CEP192: variants seen among roughly 807,000 people sequenced by gnomAD.
CEP192 encodes the protein centrosomal protein 192.
Under a neutral mutation model 271.8 loss-of-function variants are expected in CEP192, and 151 were observed. The ratio of observed to expected loss-of-function variants is 0.56; its 90% CI spans 0.49 to 0.64. CEP192 has a LOEUF of 0.64. Ranked by LOEUF, CEP192 falls within the 30% of genes least tolerant of loss-of-function variation. The pLI, the probability that CEP192 is intolerant of heterozygous loss-of-function variation, is 0.00. For missense variants in CEP192, 2,910 were observed against 3,020.5 expected, an observed-to-expected ratio of 0.96 and a Z score of 0.86; for synonymous variants, 995 against 1,076.5, an observed-to-expected ratio of 0.92 and a Z score of 1.48.
At chr18:13,017,371 G>T (rs754468979) in intron 7 of CEP192, 35 bp downstream of exon 7, 13 of 1,457,810 alleles carry the variant, frequency 8.9e-6, no homozygotes, top group Non-Finnish European at 1.1e-5. Context: ...TCAGAAATTT[G>T]ACATTAGAAA....
intron 3 of CEP192, among the ~76,000 whole-genome samples, chr18:13,007,577 CTATG>C (rs2034063406): frequency 6.6e-6 from 1 of 152,174 alleles, no homozygotes; most frequent in African/African-American, 2.4e-5. Context: ...GACTTTGTAA[CTATG>C]TATAGTCTTT....
intron 40 of CEP192, among the ~76,000 whole-genome samples, chr18:13,108,094 C>T (rs2040040583): frequency 6.6e-6 from 1 of 152,078 alleles, no homozygotes; most frequent in African/African-American, 2.4e-5. Context: ...GCTGGCTAAC[C>T]ATATGGAGAG....
chr18:13,098,234 C>G (rs1319866107), intron 36 of CEP192, among the ~76,000 whole-genome samples: 2 of 151,836 alleles, frequency 1.3e-5, no homozygotes, highest in African/African-American at 4.8e-5. Flanking sequence ...GGCAGAGGCA[C>G]CCCTCACCTC....
At chr18:13,014,874 A>G (rs530530491) in intron 5 of CEP192, among the ~76,000 whole-genome samples, 3 of 152,346 alleles carry the variant, frequency 2.0e-5, no homozygotes, top group Admixed American at 2.0e-4. Context: ...GTATCATTAA[A>G]TGGCTGCGTG....
At chr18:13,034,984 C>T (rs927931405) in intron 11 of CEP192, among the ~76,000 whole-genome samples, 44 of 152,032 alleles carry the variant, frequency 2.9e-4, no homozygotes, top group African/African-American at 9.7e-4. Context: ...CGTTTGGCCT[C>T]GGAAGCATTC....
At chr18:13,109,888 C>A (rs1023921638) in intron 40 of CEP192, among the ~76,000 whole-genome samples, 1 of 151,826 alleles carries the variant, frequency 6.6e-6, no homozygotes, top group Non-Finnish European at 1.5e-5. Flanking sequence ...GTTAAAAATT[C>A]AAAAAAACTT....
intron 40 of CEP192, among the ~76,000 whole-genome samples, chr18:13,112,099 C>T (rs1415867537): frequency 2.6e-5 from 4 of 152,200 alleles, no homozygotes; most frequent in South Asian, 2.1e-4. Context: ...AGAATTACTG[C>T]ATGACCCAGC....
intron 17 of CEP192, among the ~76,000 whole-genome samples, chr18:13,051,365 T>G (rs1370380688): frequency 6.6e-6 from 1 of 150,912 alleles, no homozygotes; most frequent in Non-Finnish European, 1.5e-5. Flanking sequence ...GTGTATGTGT[T>G]TGTGTGTGTG....
At chr18:13,044,111 C>A (rs888898916) in intron 15 of CEP192, among the ~76,000 whole-genome samples, 8 of 151,974 alleles carry the variant, frequency 5.3e-5, no homozygotes, top group Admixed American at 3.3e-4. Context: ...ACTTTATTTT[C>A]TGTTTGTTTT....
intron 5 of CEP192, among the ~76,000 whole-genome samples, chr18:13,014,946 G>C (rs2034557744): frequency 6.6e-6 from 1 of 152,158 alleles, no homozygotes; most frequent in Admixed American, 6.6e-5. Flanking sequence ...CAATGTAATG[G>C]TGCAAACAGT....
In CEP192 at chr18:13,092,080, G is replaced by A. The variant is rs187137316; in HGVS notation, c.6104-297G>A. Among the ~76,000 whole-genome samples, 11 of 152,248 alleles carry A rather than the reference G, an allele frequency of 7.2e-5. No homozygotes were observed. In the South Asian group the frequency reaches 8.3e-4, roughly 11 times the overall value. On this transcript the variant is annotated intron_variant, in intron 33 of 44. Transcript: ENST00000506447. ...ATGCTCACAACCCCTGATACAGATC[G>A]TTACTCTATATTATAGTTGGGGAAA...
chr18:13,054,471 C>G (rs2036976278), intron 18 of CEP192, among the ~76,000 whole-genome samples: 1 of 152,130 alleles, frequency 6.6e-6, no homozygotes, highest in African/African-American at 2.4e-5. Context: ...AGCATTACAC[C>G]CCTTTCTTTG....
At chr18:13,023,476 A>ATT (rs71370926) in intron 9 of CEP192, among the ~76,000 whole-genome samples, 49 of 138,864 alleles carry the variant, frequency 3.5e-4, no homozygotes, top group Middle Eastern at 7.7e-3. Flanking sequence ...ATTTTTGTCA[A>ATT]TTTTTTTTTT....
intron 1 of CEP192, among the ~76,000 whole-genome samples, chr18:12,995,352 C>T (rs1360856967): frequency 1.3e-5 from 2 of 152,114 alleles, no homozygotes; most frequent in African/African-American, 4.8e-5. Context: ...GCGTGAGCCA[C>T]CACGCCCGGC....
intron 2 of CEP192, 94 bp from the exon 3 acceptor site, chr18:13,001,363 G>A (rs2033631969): frequency 6.4e-6 from 5 of 777,760 alleles, no homozygotes; most frequent in Non-Finnish European, 8.0e-6. Flanking sequence ...TTACCCCGGT[G>A]GTTGGTTTTA....
intron 13 of CEP192, among the ~76,000 whole-genome samples, 168 bp from the exon 14 acceptor site, chr18:13,040,662 A>G (rs914692612): frequency 6.6e-6 from 1 of 152,204 alleles, no homozygotes; most frequent in Non-Finnish European, 1.5e-5. Flanking sequence ...AAGGAAATGA[A>G]AGGTTCTACC....
chr18:13,066,287 C>T (rs1035386002), intron 21 of CEP192, among the ~76,000 whole-genome samples: 1 of 152,168 alleles, frequency 6.6e-6, no homozygotes, highest in Non-Finnish European at 1.5e-5. Flanking sequence ...GAATCTCTTG[C>T]TTTTCCCTTT....
rs146553516 is a variant in CEP192, at chr18:13,109,977, G to A, written c.7048-3609G>A. The stretch of plus-strand genomic sequence containing the variant: ...AAGACTTCTAAAATGCCTCTTTCAT[G>A]AACCCCTCGAATATGTTTTCCAAAA... On this transcript the variant is annotated intron_variant, in intron 40 of 44. Transcript: ENST00000506447. Among the ~76,000 whole-genome samples, 106 of 152,272 alleles carry A rather than the reference G, an allele frequency of 7.0e-4. No homozygotes were observed. In the East Asian group the frequency reaches 0.02, roughly 29 times the overall value.
chr18:13,123,697 A>C (rs1248298745), intron 44 of CEP192, among the ~76,000 whole-genome samples: 1 of 152,198 alleles, frequency 6.6e-6, no homozygotes, highest in Non-Finnish European at 1.5e-5. Context: ...CCTCATTCAC[A>C]CTGTGAATAA....
Sources: gnomAD v4.1 joint callset for allele counts (sites outside exome capture counted in the v4.1 genomes callset) on GRCh38, gnomAD v4.1.1 for gene constraint, MANE v1.5 for transcripts, NCBI Gene and HGNC (gene_info 2026-07-23, HGNC 2026-07-21) for gene names.